CRIM1: variants seen among roughly 807,000 people sequenced by gnomAD.
The protein encoded by CRIM1 is cysteine-rich motor neuron 1 protein.
CRIM1 carries 32 observed loss-of-function variants against 116.4 expected under a neutral mutation model. The observed-to-expected ratio is 0.27, with a 90% CI of 0.21 to 0.37. CRIM1 has a LOEUF of 0.37. CRIM1 is among the 10% of genes least tolerant of loss of function. CRIM1 has a pLI of 1.00. For synonymous variants in CRIM1, 590 were observed against 509.2 expected, an observed-to-expected ratio of 1.16 and a Z score of -2.13; for missense variants, 1,331 against 1,354.8, an observed-to-expected ratio of 0.98 and a Z score of 0.28.
chr2:36,404,303 G>A (rs557437399), intron 2 of CRIM1, among the ~76,000 whole-genome samples: 2 of 152,206 alleles, frequency 1.3e-5, no homozygotes, highest in South Asian at 2.1e-4. Flanking sequence ...GTTCAAAAAA[G>A]CCTTTAAAAG....
chr2:36,428,143 T>G (rs1478990265), intron 2 of CRIM1, among the ~76,000 whole-genome samples: 1 of 152,206 alleles, frequency 6.6e-6, no homozygotes, highest in Non-Finnish European at 1.5e-5. Flanking sequence ...GACTACAGAC[T>G]GAAAAATGAG....
chr2:36,356,338 C>G lies in CRIM1; in HGVS notation c.46C>G (p.Leu16Val), dbSNP rs772633784. ...GDRGLAGCGH[L>V]LVSLLGLLLL... ...CAGGGGGTTGGCCGGCTGCGGGCAC[C>G]TCCTGGTCTCGCTGCTGGGGCTGCT... is the stretch of plus-strand genomic sequence containing the variant. The change falls in exon 1 of 17, where the codon CTC (leucine) becomes GTC (valine). Residue 16 changes from leucine (L) to valine (V), a missense_variant. This residue lies in a region of CRIM1 where 690 missense variants were observed against 676.0 expected (regional missense o/e 1.02). Coordinates refer to ENST00000280527, the MANE Select transcript of CRIM1 (RefSeq NM_016441.3). This position sits in a 1 kb window ranked among gnomAD's most constrained non-coding sequence, Gnocchi z 4.3. 4 of 1,588,846 alleles carry G rather than the reference C, an allele frequency of 2.5e-6. No individual in the cohort carries two copies. The highest frequency in any genetic ancestry group is 3.4e-6 in the Non-Finnish European group (4 of 1,170,264).
intron 4 of CRIM1, 41 bp from the exon 5 acceptor site, chr2:36,464,493 G>A: frequency 6.2e-7 from 1 of 1,612,010 alleles, no homozygotes; most frequent in Non-Finnish European, 8.5e-7. Context: ...CTATGTTGTT[G>A]TTTATTCATG....
Position 36,400,883 on chromosome 2 carries a change from C to G in CRIM1, c.505+4096C>G, listed in dbSNP as rs186574576. Among the ~76,000 whole-genome samples the G allele has an allele frequency of 3.2e-4, 48 of 152,110 alleles. 2 individuals are homozygous for G. The East Asian group carries it at 8.3e-3, about 26-fold the overall frequency. The stretch of plus-strand genomic sequence containing the variant: ...GACCTGGCGAATTTAGACTTGCTCT[C>G]GAATCTCTTACAGGAAGGTGAATAG... On this transcript the variant is annotated intron_variant, in intron 2 of 16. Transcript: ENST00000280527.
At chr2:36,398,289 T>G (rs1356026013) in intron 2 of CRIM1, among the ~76,000 whole-genome samples, 1 of 152,162 alleles carries the variant, frequency 6.6e-6, no homozygotes, top group Non-Finnish European at 1.5e-5. Flanking sequence ...CCCTTCCAGG[T>G]CATTTAATCC....
intron 5 of CRIM1, among the ~76,000 whole-genome samples, chr2:36,467,707 C>G (rs187859199): frequency 6.6e-6 from 1 of 152,158 alleles, no homozygotes; most frequent in Non-Finnish European, 1.5e-5. Flanking sequence ...AAAGCACCCA[C>G]GGGTATACAG....
At chr2:36,531,794 ACT>A (rs1213827134) in intron 13 of CRIM1, 6 of 409,212 alleles carry the variant, frequency 1.5e-5, no homozygotes, top group African/African-American at 1.0e-4. Flanking sequence ...AATTTTCCAG[ACT>A]CTACTGCTGA....
At chr2:36,490,692 C>G (rs13430898) in intron 7 of CRIM1, among the ~76,000 whole-genome samples, 2 of 152,108 alleles carry the variant, frequency 1.3e-5, no homozygotes, top group African/African-American at 4.8e-5. Flanking sequence ...GATCCGTTTT[C>G]TGCTTCTACT....
intron 13 of CRIM1, among the ~76,000 whole-genome samples, chr2:36,531,343 T>G (rs1666101228): frequency 6.6e-6 from 1 of 151,990 alleles, no homozygotes; most frequent in South Asian, 2.1e-4. Context: ...GGTTTTTATA[T>G]CCTTCCACAG....
chr2:36,532,334 C>G (rs1012236685), intron 13 of CRIM1, among the ~76,000 whole-genome samples: 2 of 152,140 alleles, frequency 1.3e-5, no homozygotes, highest in African/African-American at 2.4e-5. Flanking sequence ...AGTGTCATAC[C>G]TCATGGTTTC....
At chr2:36,521,040 CTT>C (rs1477649055) in intron 12 of CRIM1, among the ~76,000 whole-genome samples, 1 of 152,218 alleles carries the variant, frequency 6.6e-6, no homozygotes. Flanking sequence ...GAAGTGCTCT[CTT>C]ATCAGTTGGA....
At chr2:36,384,196 A>G (rs1670997101) in intron 1 of CRIM1, among the ~76,000 whole-genome samples, 3 of 152,236 alleles carry the variant, frequency 2.0e-5, no homozygotes, top group African/African-American at 7.2e-5. Context: ...CCATGCACAC[A>G]CCTGGAGTAG....
At chr2:36,493,271 A>AG (rs1358846170) in intron 7 of CRIM1, among the ~76,000 whole-genome samples, 1 of 152,088 alleles carries the variant, frequency 6.6e-6, no homozygotes, top group Non-Finnish European at 1.5e-5. Context: ...ATAAATAAAA[A>AG]GGAAAAAAAA....
chr2:36,513,385 G>A (rs552113986), intron 10 of CRIM1, 171 bp from the exon 11 acceptor site: 163 of 580,226 alleles, frequency 2.8e-4, no homozygotes, highest in South Asian at 2.9e-4. Context: ...CTTTTTTCAA[G>A]ATTGAGAACA....
intron 16 of CRIM1, 104 bp from the exon 17 acceptor site, chr2:36,548,421 G>A: frequency 1.3e-6 from 1 of 780,656 alleles, no homozygotes; most frequent in East Asian, 2.7e-5. Context: ...TCAATGAATT[G>A]TGAAACTGTT....
chr2:36,515,423 G>A (rs186009885), intron 11 of CRIM1, among the ~76,000 whole-genome samples: 104 of 152,356 alleles, frequency 6.8e-4, no homozygotes, highest in Non-Finnish European at 1.4e-3. Flanking sequence ...GTAGATGGAT[G>A]TGTAGAGGTA....
At chr2:36,359,541 C>T (rs543114894) in intron 1 of CRIM1, among the ~76,000 whole-genome samples, 2 of 152,076 alleles carry the variant, frequency 1.3e-5, no homozygotes, top group Non-Finnish European at 2.9e-5. Flanking sequence ...GTCTAGTTGG[C>T]TCTCAGTAAA....
In CRIM1 at chr2:36,479,675, G is replaced by A; in HGVS notation, c.1353G>A (p.Glu451=). ...CAAACCCTGTGAAAGTGCCTGGGGA[G>A]TGTTGCCCTGTGTGCGAAGGTAAAT... ...TCTNPVKVPG[E]CCPVCEEPTI... Residue 451 remains glutamate, a synonymous_variant, in exon 7 of 17, where the codon GAG becomes GAA. Transcript: ENST00000280527. 1 of 1,614,148 alleles carries A rather than the reference G, an allele frequency of 6.2e-7. No individual in the cohort carries two copies. The highest frequency in any genetic ancestry group is 8.5e-7 in the Non-Finnish European group (1 of 1,179,960).
intron 2 of CRIM1, among the ~76,000 whole-genome samples, chr2:36,432,563 C>T (rs1233252051): frequency 6.6e-6 from 1 of 152,170 alleles, no homozygotes; most frequent in Non-Finnish European, 1.5e-5. Context: ...CCTTCCACCC[C>T]ACTACCTCCC....
Sources: gnomAD v4.1 joint callset for allele counts (sites outside exome capture counted in the v4.1 genomes callset) on GRCh38, gnomAD v4.1.1 for gene constraint, gnomAD v4.1.1 regional missense constraint, Gnocchi (gnomAD v3.1) non-coding constraint, MANE v1.5 for transcripts, NCBI Gene and HGNC (gene_info 2026-07-23, HGNC 2026-07-21) for gene names.